Variants in IQSEC1 observed in about 807,000 individuals in gnomAD.
IQSEC1 encodes the protein IQ motif and SEC7 domain-containing protein 1.
Under a neutral mutation model 91.0 loss-of-function variants are expected in IQSEC1, and 31 were observed. The ratio of observed to expected loss-of-function variants is 0.34; its 90% confidence interval spans 0.26 to 0.46. The LOEUF (loss-of-function observed/expected upper bound fraction) is 0.46, where lower values mean the gene tolerates loss of function less well. Among genes scored for constraint, IQSEC1 ranks in the 20% least tolerant of loss-of-function variants. The pLI is 1.00. For synonymous variants in IQSEC1, 699 were observed against 662.6 expected (o/e 1.05, Z -0.84); for missense variants, 1,388 against 1,575.6 (o/e 0.88, Z 2.02).
chr3:13,060,651 A>G (rs1432901648), intron 1 of IQSEC1, among the ~76,000 whole-genome samples: 1 of 152,220 alleles, frequency 6.6e-6, no homozygotes, highest in African/African-American at 2.4e-5. Flanking sequence ...GACAGGACAG[A>G]GGCAAAGCCA....
At chr3:12,928,122 G>T (rs1697322061) in intron 3 of IQSEC1, among the ~76,000 whole-genome samples, 1 of 152,156 alleles carries the variant, frequency 6.6e-6, no homozygotes, top group African/African-American at 2.4e-5. Flanking sequence ...CTGAGTGAGG[G>T]GCTCCTGTGG....
In IQSEC1 at chr3:12,900,611, TTTC is replaced by T. The variant is rs1694156262; in HGVS notation, c.*369_*371del. ...TTGTTTTGTCTGTTTTTGTATCTCA[TTTC>T]TTCGTTTTCTAGGTTGGGTTTTCAT... On this transcript the variant is annotated 3_prime_UTR_variant, in exon 14 of 14. Coordinates refer to ENST00000613206, the MANE Select transcript of IQSEC1 (RefSeq NM_001134382.3). 7 of 1,059,440 alleles carry T rather than the reference TTTC, an allele frequency of 6.6e-6. No individual in the cohort carries two copies. Among genetic ancestry groups the T allele is most frequent in the Non-Finnish European group, 8.0e-6 (7 of 875,990 alleles). 65.6% of individuals were successfully genotyped at this position (1,059,440 alleles called of 1,614,324 possible).
At chr3:13,048,073 G>C (rs1348619227) in intron 1 of IQSEC1, among the ~76,000 whole-genome samples, 1 of 152,132 alleles carries the variant, frequency 6.6e-6, no homozygotes, top group East Asian at 1.9e-4. Flanking sequence ...TGTGCTATGG[G>C]GTGTGGGCCT....
chr3:13,050,022 C>G (rs1400485479), intron 1 of IQSEC1, among the ~76,000 whole-genome samples: 1 of 151,902 alleles, frequency 6.6e-6, no homozygotes, highest in Admixed American at 6.6e-5. Context: ...CCCCTGCCTG[C>G]CCTCTCCACT....
At chr3:13,263,635 G>A (rs968559578) in intron 1 of IQSEC1, among the ~76,000 whole-genome samples, 1 of 152,178 alleles carries the variant, frequency 6.6e-6, no homozygotes, top group Non-Finnish European at 1.5e-5. Context: ...GTAGAGATGG[G>A]ATTTCACATG....
In IQSEC1 at chr3:12,915,680, G is replaced by A. The variant is rs762188644; in HGVS notation, c.2074C>T (p.Arg692Trp). Reference sequence around the variant, plus strand: ...GTCTTTAGCTCTCGCTTACGGATCCGTTCATAGATCCCCATCAGCATCTCA... The same window carrying A: ...GTCTTTAGCTCTCGCTTACGGATCCATTCATAGATCCCCATCAGCATCTCA... ...PREMLMGIYE[R>W]IRKRELKTNE... The change falls in exon 7 of 14, where the codon CGG becomes TGG. Residue 692 changes from arginine to tryptophan, a missense_variant. Around this residue, in one of 2 missense-constraint regions of IQSEC1, gnomAD observed 1,059 missense variants for 1,317.8 expected, o/e 0.80. Transcript: ENST00000613206. 1.2e-6 allele frequency: 2 copies of A among 1,614,108 alleles called. No individual in the cohort carries two copies. The highest frequency in any genetic ancestry group is 1.7e-6 in the Non-Finnish European group (2 of 1,179,984).
rs376588948 is a variant in IQSEC1, at chr3:13,038,874, A to T, written c.23+34118T>A. Among the ~76,000 whole-genome samples, 53 of 152,328 alleles carry T rather than the reference A, an allele frequency of 3.5e-4. 2 individuals carry two copies. In the South Asian group the frequency reaches 8.1e-3, roughly 23 times the overall value. ...GTCAAAACATCTCACGTACCCCATA[A>T]ATATATACACTTACTATGTACCTAC... On this transcript the variant is annotated intron_variant, in intron 1 of 13. Transcript: ENST00000613206.
chr3:13,101,269 C>G (rs1413872954), intron 2 of IQSEC1, among the ~76,000 whole-genome samples: 9 of 152,050 alleles, frequency 5.9e-5, no homozygotes, highest in Admixed American at 4.6e-4. Context: ...ATCATGAGGT[C>G]AGAAGATTGA....
At chr3:12,915,025 G>T in intron 8 of IQSEC1, 79 bp downstream of exon 8, 1 of 1,431,032 alleles carries the variant, frequency 7.0e-7, no homozygotes, top group Non-Finnish European at 9.6e-7. Flanking sequence ...GGGAGCCTGG[G>T]GAGCCGGCGG....
At chr3:12,906,236 C>T (rs1421674143) in intron 12 of IQSEC1, among the ~76,000 whole-genome samples, 4 of 152,194 alleles carry the variant, frequency 2.6e-5, no homozygotes, top group Admixed American at 6.5e-5. Context: ...GGACACTGTC[C>T]GCAGGCTCAC....
chr3:13,168,487 T>A (rs1235865770), intron 1 of IQSEC1, among the ~76,000 whole-genome samples: 1 of 152,114 alleles, frequency 6.6e-6, no homozygotes, highest in Non-Finnish European at 1.5e-5. Flanking sequence ...CTTCAGCAGC[T>A]CCCCAGTCCA....
chr3:13,192,409 T>C (rs970442133), intron 1 of IQSEC1, among the ~76,000 whole-genome samples: 3 of 151,496 alleles, frequency 2.0e-5, no homozygotes, highest in African/African-American at 7.3e-5. Flanking sequence ...TGTGGCACAC[T>C]GGAGTAGGGG....
At chr3:13,134,386 G>A (rs1022359737) in intron 2 of IQSEC1, among the ~76,000 whole-genome samples, 10 of 152,244 alleles carry the variant, frequency 6.6e-5, no homozygotes, top group African/African-American at 2.4e-4. Flanking sequence ...AGCATGGGGT[G>A]GTAAGGACAA....
At chr3:13,252,333 T>A (rs534519589) in intron 1 of IQSEC1, among the ~76,000 whole-genome samples, 2 of 152,328 alleles carry the variant, frequency 1.3e-5, no homozygotes, top group African/African-American at 4.8e-5. Flanking sequence ...ATCTGGCACC[T>A]GCCCTCGAGA....
chr3:13,068,585 T>C (rs415938), intron 1 of IQSEC1, among the ~76,000 whole-genome samples: 99,156 of 151,532 alleles, frequency 0.65, 32,857 homozygotes, highest in East Asian at 0.9. Context: ...CATGACGATG[T>C]GACTCTTTAC....
At chr3:13,159,146 T>G (rs1229786006) in intron 2 of IQSEC1, among the ~76,000 whole-genome samples, 1 of 152,058 alleles carries the variant, frequency 6.6e-6, no homozygotes, top group African/African-American at 2.4e-5. Flanking sequence ...AAATGCAGAT[T>G]CAGGCTGGGC....
intron 1 of IQSEC1, among the ~76,000 whole-genome samples, chr3:13,183,795 A>G (rs909680276): frequency 2.6e-5 from 4 of 152,160 alleles, no homozygotes; most frequent in African/African-American, 9.7e-5. Flanking sequence ...CCTGCAGGCT[A>G]TAGTTTGCTG....
Position 13,072,991 on chromosome 3 carries a change from C to A in IQSEC1, c.23+1G>T. 2 of 1,551,670 alleles carry A rather than the reference C, an allele frequency of 1.3e-6. No individual in the cohort carries two copies. Among genetic ancestry groups the A allele is most frequent in the Non-Finnish European group, 1.7e-6 (2 of 1,146,924 alleles). ...GGCAGAAACCTGCCACATATACTCACAAATAGCGTCTTCTGCAAGCCATCC... is the reference window on the plus strand; with the variant it reads ...GGCAGAAACCTGCCACATATACTCAAAAATAGCGTCTTCTGCAAGCCATCC... On this transcript the variant is annotated splice_donor_variant, in intron 1 of 13. Coordinates refer to ENST00000613206, the MANE Select transcript of IQSEC1 (RefSeq NM_001134382.3). LOFTEE classifies it high-confidence loss of function.
At chr3:13,275,534 C>A (rs186461738) in intron 1 of IQSEC1, among the ~76,000 whole-genome samples, 10 of 152,340 alleles carry the variant, frequency 6.6e-5, no homozygotes, top group East Asian at 1.9e-4. Context: ...CACAGACACA[C>A]CACACATGCT....
Sources: allele counts gnomAD v4.1 joint callset (sites outside exome capture counted in the v4.1 genomes callset), GRCh38; gene constraint gnomAD v4.1.1; regional missense constraint gnomAD v4.1.1; transcripts MANE v1.5; gene names NCBI Gene and HGNC (gene_info 2026-07-23, HGNC 2026-07-21).